INTS14: variants seen among roughly 807,000 people sequenced by gnomAD.
INTS14 encodes the protein integrator complex subunit 14, also known as UPF0464 protein C15orf44.
INTS14 carries 27 observed loss-of-function variants against 56.9 expected under a neutral mutation model. That is an observed-to-expected ratio of 0.47 (90% CI 0.35 to 0.65). The LOEUF (loss-of-function observed/expected upper bound fraction) is 0.65, where lower values mean the gene tolerates loss of function less well. Ranked by LOEUF, INTS14 falls within the 30% of genes least tolerant of loss-of-function variation. INTS14 has a pLI of 0.00. For missense variants in INTS14, 517 were observed against 632.2 expected, an observed-to-expected ratio of 0.82 and a Z score of 1.95; for synonymous variants, 207 against 236.2, an observed-to-expected ratio of 0.88 and a Z score of 1.13.
chr15:65,599,673 T>C, intron 4 of INTS14, 101 bp downstream of exon 4: 1 of 1,269,916 alleles, frequency 7.9e-7, no homozygotes, highest in East Asian at 2.5e-5. Context: ...TGGAGTTCAA[T>C]GCTACAGTAT....
At chr15:65,599,155 G>GT (rs1271409443) in intron 4 of INTS14, among the ~76,000 whole-genome samples, 165 bp from the exon 5 acceptor site, 1 of 152,126 alleles carries the variant, frequency 6.6e-6, no homozygotes, top group Non-Finnish European at 1.5e-5. Flanking sequence ...TTGACTCAAG[G>GT]TTACCAAAGA....
intron 10 of INTS14, among the ~76,000 whole-genome samples, chr15:65,584,076 A>C (rs1259623095): frequency 6.6e-6 from 1 of 152,250 alleles, no homozygotes; most frequent in Non-Finnish European, 1.5e-5. Flanking sequence ...TTTTAAAAAC[A>C]GGTATAAATG....
chr15:65,582,947 A>G (rs954886716), intron 10 of INTS14, among the ~76,000 whole-genome samples: 7 of 152,202 alleles, frequency 4.6e-5, no homozygotes, highest in African/African-American at 1.4e-4. Flanking sequence ...AAAGATGCAC[A>G]TTATTGGTCA....
intron 3 of INTS14, among the ~76,000 whole-genome samples, chr15:65,601,725 C>G (rs1196752181): frequency 6.6e-6 from 1 of 152,128 alleles, no homozygotes; most frequent in Non-Finnish European, 1.5e-5. Flanking sequence ...TAATAGAGGT[C>G]CCCTGGAAGG....
chr15:65,601,137 A>G (rs182718574), intron 3 of INTS14, among the ~76,000 whole-genome samples: 45 of 152,352 alleles, frequency 3.0e-4, no homozygotes, highest in Non-Finnish European at 5.7e-4. Context: ...CCAGAAATAT[A>G]TAAGATCTTT....
rs749818850 is a variant in INTS14 at position 65,599,941 on chromosome 15, AAGAG to A, written c.331-16_331-13del. 6.8e-6 allele frequency: 11 copies of A among 1,609,284 alleles called. No individual in the cohort carries two copies. In the African/African-American group the frequency reaches 1.1e-4, roughly 16 times the overall value. ...GTCACCAGGACAACCTGTTTGTAAA[AAGAG>A]AGAGAGGAGGTTGTACATTAAATTA... On this transcript the variant is annotated splice_polypyrimidine_tract_variant and intron_variant, in intron 3 of 11. Transcript: ENST00000313182.
chr15:65,610,367 G>A (rs1419553221), intron 1 of INTS14, among the ~76,000 whole-genome samples: 1 of 152,036 alleles, frequency 6.6e-6, no homozygotes, highest in Non-Finnish European at 1.5e-5. Context: ...TTGGGTGGGG[G>A]GGAATCCCTG....
intron 3 of INTS14, among the ~76,000 whole-genome samples, chr15:65,603,918 T>C (rs983705144): frequency 6.6e-6 from 1 of 152,242 alleles, no homozygotes; most frequent in Admixed American, 6.5e-5. Flanking sequence ...TAGACTATTA[T>C]GATTTTTCTT....
intron 9 of INTS14, among the ~76,000 whole-genome samples, chr15:65,587,824 T>C (rs938867023): frequency 6.6e-6 from 1 of 151,170 alleles, no homozygotes; most frequent in African/African-American, 2.4e-5. Flanking sequence ...TATAAAAAAA[T>C]CAAAAAAATT....
chr15:65,599,116 A>G (rs890835348), intron 4 of INTS14, 126 bp from the exon 5 acceptor site: 1 of 637,418 alleles, frequency 1.6e-6, no homozygotes, highest in Non-Finnish European at 2.8e-6. Context: ...TTTAATAGCC[A>G]ATGTGAGAAG....
intron 3 of INTS14, among the ~76,000 whole-genome samples, chr15:65,600,499 C>A (rs1419273966): frequency 1.4e-5 from 2 of 143,450 alleles, no homozygotes; most frequent in African/African-American, 5.2e-5. Context: ...CATGGTGGTG[C>A]GTGCCTGCAG....
At chr15:65,610,683 C>T (rs1287704851) in intron 1 of INTS14, 1 of 1,535,702 alleles carries the variant, frequency 6.5e-7, no homozygotes, top group East Asian at 2.4e-5. Flanking sequence ...TCTAGTGCCT[C>T]ACCTGCTCTT....
In INTS14 at chr15:65,584,873, G is replaced by A; in HGVS notation, c.1136C>T (p.Pro379Leu). 6.2e-7 allele frequency: 1 copy of A among 1,611,094 alleles called. No individual in the cohort carries two copies. ...LGPISDAKEN[P>L]YGEDDNKSPF... ...ACTCTTATTGTCATCCTCGCCATAA[G>A]GGTTTTCTTTAGCATCTTAAAAGAA... Residue 379 changes from proline (P) to leucine (L), a missense_variant, in exon 10 of 12, where the codon CCT becomes CTT. Physicochemically the swap from Pro to Leu is moderately conservative, Grantham distance 98. Coordinates refer to ENST00000313182, the MANE Select transcript of INTS14 (RefSeq NM_001394796.1).
At chr15:65,591,826 G>C (rs1357416657) in intron 8 of INTS14, 95 bp from the exon 9 acceptor site, 2 of 1,413,184 alleles carry the variant, frequency 1.4e-6, no homozygotes, top group Non-Finnish European at 1.9e-6. Flanking sequence ...GAGAGACACA[G>C]GCTTCAGCTT....
intron 1 of INTS14, among the ~76,000 whole-genome samples, chr15:65,610,044 G>GGATA (rs2073828656): frequency 6.6e-6 from 1 of 151,108 alleles, no homozygotes; most frequent in Admixed American, 6.6e-5. Context: ...AGTTCCTGAA[G>GGATA]GATAGTTCAC....
In INTS14 at chr15:65,607,191, C is replaced by A; in HGVS notation, c.190G>T (p.Val64Phe). 1 of 1,614,172 alleles carries A rather than the reference C, an allele frequency of 6.2e-7. No homozygotes were observed. The highest frequency in any genetic ancestry group is 8.5e-7 in the Non-Finnish European group (1 of 1,180,030). The change falls in exon 2 of 12, where the codon GTC becomes TTC. Residue 64 changes from valine to phenylalanine, a missense_variant. Coordinates refer to ENST00000313182, the MANE Select transcript of INTS14 (RefSeq NM_001394796.1). ...VVFSSLWELM[V>F]PFTRDYNTLQ... The stretch of plus-strand genomic sequence containing the variant: ...GTATTATAATCTCTCGTGAAGGGGA[C>A]CATCAACTCCCAAAGTGATGAAAAA...
intron 3 of INTS14, among the ~76,000 whole-genome samples, chr15:65,601,980 T>C (rs984872345): frequency 2.6e-5 from 4 of 151,934 alleles, no homozygotes; most frequent in Admixed American, 6.6e-5. Flanking sequence ...CTTTGGGAGG[T>C]TGAGGCCAGA....
At chr15:65,583,649 G>A (rs1453049123) in intron 10 of INTS14, among the ~76,000 whole-genome samples, 1 of 152,050 alleles carries the variant, frequency 6.6e-6, no homozygotes, top group Non-Finnish European at 1.5e-5. Flanking sequence ...ACTGAATTGT[G>A]TACTTTAAAA....
chr15:65,585,140 T>C (rs2072770221), intron 9 of INTS14, among the ~76,000 whole-genome samples: 1 of 152,016 alleles, frequency 6.6e-6, no homozygotes, highest in African/African-American at 2.4e-5. Context: ...GATTTATAAA[T>C]TAAGGTCAAA....
Sources: allele counts gnomAD v4.1 joint callset (sites outside exome capture counted in the v4.1 genomes callset), GRCh38; gene constraint gnomAD v4.1.1; transcripts MANE v1.5; gene names NCBI Gene and HGNC (gene_info 2026-07-23, HGNC 2026-07-21).